Variants in SUGCT observed in about 807,000 individuals in gnomAD.
The protein encoded by SUGCT is succinyl-CoA:glutarate-CoA transferase, also known as succinyl-CoA:glutarate CoA-transferase.
Under a neutral mutation model 55.0 loss-of-function variants are expected in SUGCT, and 41 were observed. The ratio of observed to expected loss-of-function variants is 0.74; its 90% CI spans 0.58 to 0.97. SUGCT has a LOEUF of 0.97. Among genes scored for constraint, SUGCT ranks in the 50% least tolerant of loss-of-function variants. The pLI is 0.00. For synonymous variants in SUGCT, 187 were observed against 200.4 expected (o/e 0.93, Z 0.56); for missense variants, 568 against 547.8 (o/e 1.04, Z -0.37).
At chr7:40,922,369 G>A in the SUGCT span, among the ~76,000 whole-genome samples, 3 of 152,180 alleles carry the variant, frequency 2.0e-5, no homozygotes, top group African/African-American at 7.2e-5. Context: ...CTTTGCCTGT[G>A]CTTTTTAAGA....
intron 11 of SUGCT, among the ~76,000 whole-genome samples, chr7:40,478,849 T>G (rs550868320): frequency 3.0e-4 from 46 of 152,266 alleles, no homozygotes; most frequent in Admixed American, 4.6e-4. Flanking sequence ...AATATTAATC[T>G]AATCCATGTT....
At chr7:41,026,073 G>A in the SUGCT span, among the ~76,000 whole-genome samples, 214 of 152,352 alleles carry the variant, frequency 1.4e-3, no homozygotes, top group Non-Finnish European at 2.9e-3. Flanking sequence ...GCAGGTCTAT[G>A]TGTGCTCTGG....
At chr7:40,514,673 G>A (rs1336134468) in intron 12 of SUGCT, among the ~76,000 whole-genome samples, 1 of 137,702 alleles carries the variant, frequency 7.3e-6, no homozygotes, top group Non-Finnish European at 1.5e-5. Context: ...TCGTGCCATT[G>A]CACTGCGGCC....
chr7:40,416,539 A>G (rs903771406), intron 9 of SUGCT, among the ~76,000 whole-genome samples: 1 of 151,912 alleles, frequency 6.6e-6, no homozygotes, highest in African/African-American at 2.4e-5. Context: ...AGATATATAG[A>G]GATGTTTCTT....
chr7:40,262,372 T>C (rs1791273447), intron 7 of SUGCT, among the ~76,000 whole-genome samples: 1 of 151,524 alleles, frequency 6.6e-6, no homozygotes, highest in Non-Finnish European at 1.5e-5. Context: ...CCATACCGGC[T>C]GGGCGCGGTG....
At chr7:40,272,447 A>G (rs979973847) in intron 7 of SUGCT, among the ~76,000 whole-genome samples, 4 of 149,346 alleles carry the variant, frequency 2.7e-5, no homozygotes, top group African/African-American at 9.8e-5. Context: ...AAGTGTTGGG[A>G]TTTATAGGCA....
the SUGCT span, among the ~76,000 whole-genome samples, chr7:40,931,653 G>A: frequency 1.3e-5 from 2 of 152,122 alleles, no homozygotes; most frequent in Non-Finnish European, 2.9e-5. Context: ...AGTCTTGGGA[G>A]GGTGTACATG....
chr7:40,207,861 A>C (rs1228010213), intron 6 of SUGCT, among the ~76,000 whole-genome samples: 1 of 152,174 alleles, frequency 6.6e-6, no homozygotes, highest in Non-Finnish European at 1.5e-5. Context: ...TATATACCAA[A>C]AGAATTGAAA....
intron 12 of SUGCT, among the ~76,000 whole-genome samples, chr7:40,748,592 A>G (rs1388009996): frequency 1.3e-5 from 2 of 151,748 alleles, no homozygotes; most frequent in Non-Finnish European, 1.5e-5. Context: ...TTAGTTATAG[A>G]GAATAAGAAT....
intron 7 of SUGCT, among the ~76,000 whole-genome samples, chr7:40,249,346 T>TATAA (rs1219733878): frequency 7.7e-6 from 1 of 129,862 alleles, no homozygotes; most frequent in Non-Finnish European, 1.6e-5. Flanking sequence ...TATATATATA[T>TATAA]AATTATATTA....
intron 12 of SUGCT, among the ~76,000 whole-genome samples, chr7:40,665,677 G>A (rs1801591476): frequency 6.6e-6 from 1 of 151,636 alleles, no homozygotes; most frequent in South Asian, 2.1e-4. Context: ...TCTCTATAGA[G>A]TGGGGACCAA....
At chr7:40,621,445 C>T (rs771166674) in intron 12 of SUGCT, among the ~76,000 whole-genome samples, 4 of 152,098 alleles carry the variant, frequency 2.6e-5, no homozygotes, top group Admixed American at 1.3e-4. Flanking sequence ...ACAAAGTCTC[C>T]AGGGAAGAGT....
rs576021285 is a variant in SUGCT, at chr7:40,214,250, A to G, written c.484+19190A>G. On this transcript the variant is annotated intron_variant, in intron 6 of 13. Transcript: ENST00000335693. ...CTCTTCTGTCACTGAGAATTCAACAATGAGCAAAACAAAAAAATTACTGTC... is the reference window on the plus strand; with the variant it reads ...CTCTTCTGTCACTGAGAATTCAACAGTGAGCAAAACAAAAAAATTACTGTC... 2.0e-4 allele frequency among the ~76,000 whole-genome samples: 31 copies of G among 152,270 alleles called. No individual in the cohort carries two copies. In the South Asian group the frequency reaches 5.6e-3, roughly 28 times the overall value.
the SUGCT span, among the ~76,000 whole-genome samples, chr7:40,941,846 T>C: frequency 2.0e-4 from 31 of 152,294 alleles, no homozygotes; most frequent in East Asian, 5.2e-3. Flanking sequence ...TTTACTGTTG[T>C]TGCCTTAAAA....
intron 8 of SUGCT, among the ~76,000 whole-genome samples, chr7:40,289,659 A>T (rs1454201930): frequency 2.0e-5 from 3 of 152,128 alleles, no homozygotes; most frequent in Non-Finnish European, 4.4e-5. Flanking sequence ...GGCCAGGGCA[A>T]TTAGGCAGGA....
chr7:40,438,499 G>T (rs1216104662), intron 9 of SUGCT, among the ~76,000 whole-genome samples: 1 of 152,128 alleles, frequency 6.6e-6, no homozygotes, highest in Non-Finnish European at 1.5e-5. Context: ...CCCTATCAGT[G>T]AATTTTGTTG....
At chr7:41,028,689 T>C in the SUGCT span, among the ~76,000 whole-genome samples, 1 of 152,244 alleles carries the variant, frequency 6.6e-6, no homozygotes, top group Non-Finnish European at 1.5e-5. Context: ...ATTGTAATCT[T>C]ATGGGACCAC....
At chr7:40,620,941 G>C (rs1219160460) in intron 12 of SUGCT, among the ~76,000 whole-genome samples, 1 of 152,086 alleles carries the variant, frequency 6.6e-6, no homozygotes, top group East Asian at 1.9e-4. Flanking sequence ...GTTTAATTCA[G>C]ATCTATTTTT....
In SUGCT at chr7:40,256,669, C is replaced by G. The variant is rs562124604; in HGVS notation, c.577-17844C>G. 3.4e-4 allele frequency among the ~76,000 whole-genome samples: 52 copies of G among 152,220 alleles called. 1 individual carries two copies. Among genetic ancestry groups the G allele is most frequent in the South Asian group, 2.7e-3 (13 of 4,818 alleles). ...TGGTCAGTAGTCCTTGTTACAGAAACAGTTATTTGTTGGCATCTTTCTAAA... is the reference window on the plus strand; with the variant it reads ...TGGTCAGTAGTCCTTGTTACAGAAAGAGTTATTTGTTGGCATCTTTCTAAA... On this transcript the variant is annotated intron_variant, in intron 7 of 13. Transcript: ENST00000335693.
Sources: allele counts gnomAD v4.1 joint callset (sites outside exome capture counted in the v4.1 genomes callset), GRCh38; gene constraint gnomAD v4.1.1; transcripts MANE v1.5; gene names NCBI Gene and HGNC (gene_info 2026-07-23, HGNC 2026-07-21).